Variants in EVI5 observed in about 807,000 individuals in gnomAD.
EVI5 encodes the protein ecotropic viral integration site 5 protein homolog.
EVI5 carries 73 observed loss-of-function variants against 112.0 expected under a neutral mutation model. That is an observed-to-expected ratio of 0.65 (90% confidence interval 0.54 to 0.79). The LOEUF is 0.79. Among genes scored for constraint, EVI5 ranks in the 30% least tolerant of loss-of-function variants. The pLI is 0.00. For synonymous variants in EVI5, 305 were observed against 319.9 expected, an observed-to-expected ratio of 0.95 and a Z score of 0.50; for missense variants, 900 against 968.8, an observed-to-expected ratio of 0.93 and a Z score of 0.94.
intron 19 of EVI5, among the ~76,000 whole-genome samples, chr1:92,517,417 CA>C (rs1660095528): frequency 6.6e-6 from 1 of 152,128 alleles, no homozygotes; most frequent in Non-Finnish European, 1.5e-5. Context: ...CCATAGATAC[CA>C]AGGGATGACA....
intron 5 of EVI5, among the ~76,000 whole-genome samples, chr1:92,699,801 C>T (rs556425499): frequency 6.6e-6 from 1 of 152,238 alleles, no homozygotes; most frequent in Non-Finnish European, 1.5e-5. Flanking sequence ...CTTATGGGCG[C>T]ACCATCACAC....
chr1:92,763,666 C>G (rs1682208209), intron 1 of EVI5, among the ~76,000 whole-genome samples: 1 of 152,170 alleles, frequency 6.6e-6, no homozygotes, highest in African/African-American at 2.4e-5. Context: ...GACATGGTGG[C>G]TCACACCTGG....
chr1:92,734,984 T>C (rs1677098531), intron 2 of EVI5, among the ~76,000 whole-genome samples: 1 of 152,166 alleles, frequency 6.6e-6, no homozygotes, highest in South Asian at 2.1e-4. Flanking sequence ...ATACCAAGTG[T>C]TGACAAGGAT....
At position 92,665,952 on chromosome 1, in the gene EVI5, T is replaced by A. The variant is rs1381096353; in HGVS notation, c.1199A>T (p.Glu400Val). ...TENRLLKQRI[E>V]TLEKESASLA... Reference sequence around the variant, plus strand: ...TCACTTACTTACTTTTTCTAATGTCTCGATGCGCTGTTTTAAAAGTCTATT... The same window carrying A: ...TCACTTACTTACTTTTTCTAATGTCACGATGCGCTGTTTTAAAAGTCTATT... The change falls in exon 11 of 20, where the codon GAG becomes GTG. Residue 400 changes from glutamate (E) to valine (V), a missense_variant. Transcript: ENST00000684568. The A allele has an allele frequency of 1.2e-6, 2 of 1,607,692 alleles. No individual in the cohort carries two copies. Among genetic ancestry groups the A allele is most frequent in the Admixed American group, 3.4e-5 (2 of 58,946 alleles).
intron 19 of EVI5, among the ~76,000 whole-genome samples, chr1:92,558,936 T>C (rs1039099413): frequency 6.6e-6 from 1 of 151,884 alleles, no homozygotes; most frequent in Non-Finnish European, 1.5e-5. Context: ...CCAAAGGCTT[T>C]CCACTATACA....
At chr1:92,518,578 C>A (rs1229011940) in intron 19 of EVI5, among the ~76,000 whole-genome samples, 1 of 151,120 alleles carries the variant, frequency 6.6e-6, no homozygotes. Flanking sequence ...TGAGCAGAGT[C>A]ACATATTACC....
At chr1:92,532,253 C>T (rs1287526457) in intron 19 of EVI5, among the ~76,000 whole-genome samples, 5 of 152,136 alleles carry the variant, frequency 3.3e-5, no homozygotes, top group Non-Finnish European at 7.3e-5. Flanking sequence ...AATATATATG[C>T]ATCCAATACA....
chr1:92,530,180 G>C (rs1402847701), intron 19 of EVI5, among the ~76,000 whole-genome samples: 5 of 152,126 alleles, frequency 3.3e-5, no homozygotes, highest in African/African-American at 1.2e-4. Context: ...CAGACGGTAG[G>C]ATTCTTGAAA....
rs953536095 is a variant in EVI5 at position 92,625,544 on chromosome 1, G to T, written c.1668+250C>A. 80 of 325,062 alleles carry T rather than the reference G, an allele frequency of 2.5e-4. No individual in the cohort carries two copies. The Admixed American group carries it at 3.2e-3, about 13-fold the overall frequency. The allele number at this position is 325,062 out of a possible 1,614,324, so 20.1% of individuals were successfully genotyped here. Reference sequence around the variant, plus strand: ...ACAGTTTGCAGAAAAAGTTACACAAGGCACAATGGTACAATGACAAAAATA... The same window carrying T: ...ACAGTTTGCAGAAAAAGTTACACAATGCACAATGGTACAATGACAAAAATA... On this transcript the variant is annotated intron_variant, in intron 15 of 19. Transcript: ENST00000684568.
At chr1:92,748,726 C>T (rs4847304) in intron 1 of EVI5, among the ~76,000 whole-genome samples, 139,881 of 152,176 alleles carry the variant, frequency 0.92, 64,366 homozygotes, top group East Asian at 0.97. Flanking sequence ...CATCTTTTCA[C>T]TTGTCTATAG....
chr1:92,562,761 A>T (rs913612353), intron 19 of EVI5, among the ~76,000 whole-genome samples: 1 of 152,168 alleles, frequency 6.6e-6, no homozygotes, highest in Non-Finnish European at 1.5e-5. Flanking sequence ...ATTACCCAAA[A>T]CATACAGACT....
intron 14 of EVI5, among the ~76,000 whole-genome samples, chr1:92,631,955 T>C (rs941327034): frequency 3.9e-5 from 6 of 152,234 alleles, no homozygotes; most frequent in African/African-American, 7.2e-5. Flanking sequence ...GTTTCTGTCA[T>C]TGGTTCTGTT....
At chr1:92,549,781 A>C (rs1571464423) in intron 19 of EVI5, among the ~76,000 whole-genome samples, 1 of 152,338 alleles carries the variant, frequency 6.6e-6, no homozygotes, top group East Asian at 1.9e-4. Context: ...GAGAAATGCA[A>C]ATCAAAATCA....
intron 16 of EVI5, among the ~76,000 whole-genome samples, chr1:92,616,328 C>A (rs1271921934): frequency 1.3e-5 from 2 of 152,254 alleles, no homozygotes; most frequent in Non-Finnish European, 2.9e-5. Flanking sequence ...ATGGTGGGAA[C>A]CGCAGTTACT....
At chr1:92,687,950 TCAAC>T (rs767387057) in intron 9 of EVI5, among the ~76,000 whole-genome samples, 5 of 152,186 alleles carry the variant, frequency 3.3e-5, no homozygotes, top group African/African-American at 7.2e-5. Flanking sequence ...GTAAATTAGT[TCAAC>T]CATTGTGGAA....
chr1:92,768,978 A>G (rs1683028394), intron 1 of EVI5, among the ~76,000 whole-genome samples: 1 of 152,160 alleles, frequency 6.6e-6, no homozygotes, highest in Admixed American at 6.5e-5. Flanking sequence ...ACTACAAAAA[A>G]TGTTTAGCTT....
intron 19 of EVI5, among the ~76,000 whole-genome samples, chr1:92,557,548 C>T (rs888953611): frequency 2.6e-5 from 4 of 151,194 alleles, no homozygotes; most frequent in South Asian, 2.1e-4. Flanking sequence ...ATCTGCCTGC[C>T]GCAGCCTCTC....
chr1:92,728,820 C>T (rs1362788420), intron 2 of EVI5, among the ~76,000 whole-genome samples: 2 of 152,206 alleles, frequency 1.3e-5, no homozygotes, highest in Non-Finnish European at 1.5e-5. Context: ...TGCCATGCTA[C>T]TCCGTCCTGC....
At chr1:92,523,672 C>T (rs1237512017) in intron 19 of EVI5, among the ~76,000 whole-genome samples, 2 of 152,192 alleles carry the variant, frequency 1.3e-5, no homozygotes, top group Non-Finnish European at 2.9e-5. Flanking sequence ...GAGACATTCT[C>T]ACTGGCTATT....
Sources: allele counts gnomAD v4.1 joint callset (sites outside exome capture counted in the v4.1 genomes callset), GRCh38; gene constraint gnomAD v4.1.1; transcripts MANE v1.5; gene names NCBI Gene and HGNC (gene_info 2026-07-23, HGNC 2026-07-21).